The following DCUN1D3 variants were observed in gnomAD, a reference collection of about 807,000 sequenced individuals.
DCUN1D3 encodes defective in cullin neddylation 1 domain containing 3.
DCUN1D3 carries 6 observed loss-of-function variants against 24.8 expected under a neutral mutation model. The observed-to-expected ratio is 0.24, with a 90% CI of 0.13 to 0.48. DCUN1D3 has a LOEUF of 0.48. Among genes scored for constraint, DCUN1D3 ranks in the 20% least tolerant of loss-of-function variants. The pLI is 0.99. For synonymous variants in DCUN1D3, 120 were observed against 144.9 expected (o/e 0.83, Z 1.24); for missense variants, 258 against 379.4 (o/e 0.68, Z 2.66).
chr16:20,871,408 A>T lies in DCUN1D3; in HGVS notation c.-105-8765T>A, dbSNP rs145109489. On this transcript the variant is annotated intron_variant, in intron 1 of 2. Coordinates refer to ENST00000324344, the MANE Select transcript of DCUN1D3 (RefSeq NM_173475.4). ...GTAGGGAGGACAGAGAAAACTTTTAAAAAAGAAAACTGGCTATGTTTCTAT... is the reference window on the plus strand; with the variant it reads ...GTAGGGAGGACAGAGAAAACTTTTATAAAAGAAAACTGGCTATGTTTCTAT... 1.3e-4 allele frequency among the ~76,000 whole-genome samples: 20 copies of T among 152,342 alleles called. No homozygotes were observed. The East Asian group carries it at 3.9e-3, about 29-fold the overall frequency.
intron 1 of DCUN1D3, among the ~76,000 whole-genome samples, chr16:20,875,010 T>C (rs1335347232): frequency 6.6e-6 from 1 of 152,152 alleles, no homozygotes; most frequent in Admixed American, 6.5e-5. Flanking sequence ...CCCACCCACA[T>C]GACCTGCCAA....
In DCUN1D3 at chr16:20,859,913, C is replaced by T; in HGVS notation, c.888G>A (p.Glu296=). The T allele has an allele frequency of 1.9e-6, 3 of 1,613,498 alleles. No homozygotes were observed. Among genetic ancestry groups the T allele is most frequent in the Non-Finnish European group, 2.5e-6 (3 of 1,179,602 alleles). The part of the protein sequence containing the change: ...EGRGALSSGP[E]GLCPEEQT ...AAGTCTGCTCCTCGGGACACAAGCCCTCAGGCCCTGAGCTGAGTGCACCTC... is the reference window on the plus strand; with the variant it reads ...AAGTCTGCTCCTCGGGACACAAGCCTTCAGGCCCTGAGCTGAGTGCACCTC... Residue 296 remains glutamate (E), a synonymous_variant, in exon 3 of 3, where the codon GAG becomes GAA. Coordinates refer to ENST00000324344, the MANE Select transcript of DCUN1D3 (RefSeq NM_173475.4).
At chr16:20,887,842 TA>T (rs1299422152) in intron 1 of DCUN1D3, among the ~76,000 whole-genome samples, 1 of 152,240 alleles carries the variant, frequency 6.6e-6, no homozygotes, top group East Asian at 1.9e-4. Context: ...CAGTCAAAGA[TA>T]AAAATGTCTC....
At chr16:20,863,814 G>A in intron 1 of DCUN1D3, among the ~76,000 whole-genome samples, 1 of 152,044 alleles carries the variant, frequency 6.6e-6, no homozygotes, top group South Asian at 2.1e-4. Context: ...CAAAAATAAG[G>A]CCACACATCT....
intron 1 of DCUN1D3, among the ~76,000 whole-genome samples, chr16:20,870,468 A>C (rs962098180): frequency 1.8e-4 from 28 of 152,158 alleles, no homozygotes; most frequent in African/African-American, 6.0e-4. Context: ...ACCCAAGTAA[A>C]CTGCTGCAGC....
At chr16:20,862,748 C>A (rs898353084) in intron 1 of DCUN1D3, 105 bp from the exon 2 acceptor site, 10 of 1,128,654 alleles carry the variant, frequency 8.9e-6, no homozygotes, top group Non-Finnish European at 1.1e-5. Context: ...CATGAGCCAA[C>A]AACGAACCAT....
chr16:20,855,191 A>C lies in DCUN1D3; in HGVS notation c.*4695T>G, dbSNP rs2081696615. The stretch of plus-strand genomic sequence containing the variant: ...GGAGGGTCACATGAGCAGTGGACTC[A>C]TCACCTCAGCGGCTTAAGGCAGGGT... On this transcript the variant is annotated 3_prime_UTR_variant, in exon 3 of 3. Transcript: ENST00000324344. The C allele has an allele frequency of 6.6e-6, 1 of 152,246 alleles. No homozygotes were observed. Among genetic ancestry groups the C allele is most frequent in the Non-Finnish European group, 1.5e-5 (1 of 68,028 alleles). 9.4% of individuals were successfully genotyped at this position (152,246 alleles called of 1,614,324 possible).
chr16:20,866,591 T>C (rs1428714879), intron 1 of DCUN1D3, among the ~76,000 whole-genome samples: 1 of 152,204 alleles, frequency 6.6e-6, no homozygotes, highest in Admixed American at 6.5e-5. Flanking sequence ...AAGAGTATCT[T>C]TTGACTACCT....
chr16:20,897,851 TTTA>T (rs2081923738), intron 1 of DCUN1D3, among the ~76,000 whole-genome samples: 1 of 152,200 alleles, frequency 6.6e-6, no homozygotes, highest in African/African-American at 2.4e-5. Flanking sequence ...GCAGAGTGAC[TTTA>T]TTATGATAGT....
chr16:20,886,016 G>A (rs1596638782), intron 1 of DCUN1D3, among the ~76,000 whole-genome samples: 1 of 146,680 alleles, frequency 6.8e-6, no homozygotes, highest in East Asian at 2.0e-4. Flanking sequence ...AGGTAGCCGG[G>A]AAACTGCTAA....
chr16:20,863,291 C>A (rs1310403991), intron 1 of DCUN1D3, among the ~76,000 whole-genome samples: 1 of 152,198 alleles, frequency 6.6e-6, no homozygotes, highest in Non-Finnish European at 1.5e-5. Context: ...ATCCACCAAG[C>A]CTATACTCCA....
Position 20,857,252 on chromosome 16 carries a change from C to T in DCUN1D3, c.*2634G>A, listed in dbSNP as rs908449020. 2.0e-5 allele frequency: 3 copies of T among 152,180 alleles called. No individual in the cohort carries two copies. Among genetic ancestry groups the T allele is most frequent in the South Asian group, 4.1e-4 (2 of 4,834 alleles). 9.4% of individuals were successfully genotyped at this position (152,180 alleles called of 1,614,324 possible). A position where few individuals can be genotyped will look rare whatever the true frequency, so the allele number is the denominator to read the frequency against. On this transcript the variant is annotated 3_prime_UTR_variant, in exon 3 of 3. Transcript: ENST00000324344. ...ACTTGTAAGTCCCTCCCTGACTGCTCCCTTTTCTGGCTTCTCATTTGCAAA... is the reference window on the plus strand; with the variant it reads ...ACTTGTAAGTCCCTCCCTGACTGCTTCCTTTTCTGGCTTCTCATTTGCAAA...
chr16:20,891,709 A>G (rs1328405967), intron 1 of DCUN1D3, among the ~76,000 whole-genome samples: 1 of 152,206 alleles, frequency 6.6e-6, no homozygotes, highest in East Asian at 1.9e-4. Flanking sequence ...TGATTAGTCC[A>G]TCTTGGAGAA....
chr16:20,887,909 C>A (rs768453435), intron 1 of DCUN1D3, among the ~76,000 whole-genome samples: 9 of 152,220 alleles, frequency 5.9e-5, no homozygotes, highest in Non-Finnish European at 1.3e-4. Context: ...GTCCCCACTG[C>A]TAGACTTATA....
Position 20,859,996 on chromosome 16 carries a change from G to T in DCUN1D3, c.805C>A (p.Leu269Ile), listed in dbSNP as rs756132549. 1.6e-5 allele frequency: 26 copies of T among 1,614,252 alleles called. No individual in the cohort carries two copies. Among genetic ancestry groups the T allele is most frequent in the Non-Finnish European group, 2.2e-5 (26 of 1,180,050 alleles). The change falls in exon 3 of 3, where the codon CTC (leucine) becomes ATC (isoleucine). Residue 269 changes from leucine (L) to isoleucine (I), a missense_variant. Coordinates refer to ENST00000324344, the MANE Select transcript of DCUN1D3 (RefSeq NM_173475.4). ...TCCCACTCCACAAAGGTGTCAAAGA[G>T]ACTTGGCCAGGCCTCATCTTCACTG... ...NYSEDEAWPSLFDTFVEWEME... is the reference protein window; with the variant it reads ...NYSEDEAWPSIFDTFVEWEME...
intron 1 of DCUN1D3, among the ~76,000 whole-genome samples, chr16:20,874,904 A>G (rs1034648540): frequency 1.3e-5 from 2 of 152,014 alleles, no homozygotes; most frequent in African/African-American, 2.4e-5. Context: ...AAAGATAAGC[A>G]GGTAATTAAA....
Position 20,862,429 on chromosome 16 carries a change from CGGT to C in DCUN1D3, c.107_109del (p.His36del). 6.2e-7 allele frequency: 1 copy of C among 1,613,844 alleles called. No individual in the cohort carries two copies. The highest frequency in any genetic ancestry group is 8.5e-7 in the Non-Finnish European group (1 of 1,180,032). ...GCCACAGGGTGGTACCTGCTCCTCA[CGGT>C]GGCCTGCACCCCTCCTGCTATGTGA... On this transcript the variant is annotated inframe_deletion, in exon 2 of 3. Transcript: ENST00000324344.
chr16:20,870,545 C>T (rs1311013625), intron 1 of DCUN1D3, among the ~76,000 whole-genome samples: 1 of 152,158 alleles, frequency 6.6e-6, no homozygotes, highest in East Asian at 1.9e-4. Context: ...GCCTGTCACC[C>T]AAGGAACAGA....
chr16:20,876,867 T>C (rs2081818349), intron 1 of DCUN1D3, among the ~76,000 whole-genome samples: 1 of 152,202 alleles, frequency 6.6e-6, no homozygotes, highest in East Asian at 1.9e-4. Context: ...AAATAGCACA[T>C]GTTCTCACTC....
Sources: allele counts gnomAD v4.1 joint callset (sites outside exome capture counted in the v4.1 genomes callset), GRCh38; gene constraint gnomAD v4.1.1; transcripts MANE v1.5; gene names NCBI Gene and HGNC (gene_info 2026-07-23, HGNC 2026-07-21).